Variants in SYNE3 observed in about 807,000 individuals in gnomAD.
SYNE3 encodes nesprin-3.
In SYNE3, 100 loss-of-function variants were observed where a neutral mutation model predicts 111.2. The observed-to-expected ratio is 0.90, with a 90% CI of 0.77 to 1.06. The LOEUF (loss-of-function observed/expected upper bound fraction) is 1.06, where lower values mean the gene tolerates loss of function less well. SYNE3 is among the 50% of genes least tolerant of loss of function. SYNE3 has a pLI of 0.00. For missense variants in SYNE3, 1,160 were observed against 1,240.3 expected (o/e 0.94, Z 0.97); for synonymous variants, 547 against 533.9 (o/e 1.02, Z -0.34).
In SYNE3 at chr14:95,439,136, C is replaced by T; in HGVS notation, c.2273G>A (p.Arg758Lys). ...TTTCTTCCCCGAATCCACTTCCATC[C>T]TCTGCAGATGCCAGTTTCTGATGAG... Reference protein sequence around the residue: ...LSLIRNWHLQRMEVDSGKKMV... With the variant: ...LSLIRNWHLQKMEVDSGKKMV... Residue 758 changes from arginine to lysine, a missense_variant, in exon 14 of 18, where the codon AGG becomes AAG. Transcript: ENST00000682763. 6.2e-7 allele frequency: 1 copy of T among 1,614,276 alleles called. No homozygotes were observed. Among genetic ancestry groups the T allele is most frequent in the Non-Finnish European group, 8.5e-7 (1 of 1,180,050 alleles).
At position 95,414,988 on chromosome 14, in the gene SYNE3, T is replaced by TA. The variant is rs1163513070; in HGVS notation, c.*2837dup. ...ACTTGATGGCATCATTATCAAAATTTAAAAAATATAGGTAGATATTCCCAC... is the reference window on the plus strand; with the variant it reads ...ACTTGATGGCATCATTATCAAAATTTAAAAAAATATAGGTAGATATTCCCAC... On this transcript the variant is annotated 3_prime_UTR_variant, in exon 18 of 18. Transcript: ENST00000682763. 6.6e-6 allele frequency: 1 copy of TA among 152,166 alleles called. No homozygotes were observed. Among genetic ancestry groups the TA allele is most frequent in the Admixed American group, 6.5e-5 (1 of 15,284 alleles). 9.4% of individuals were successfully genotyped at this position (152,166 alleles called of 1,614,324 possible).
chr14:95,507,707 A>T (rs745843625), intron 1 of SYNE3, among the ~76,000 whole-genome samples: 6 of 152,244 alleles, frequency 3.9e-5, no homozygotes, highest in Non-Finnish European at 7.3e-5. Flanking sequence ...CACAGAAGCC[A>T]GGCCTGCTCG....
At position 95,417,372 on chromosome 14, in the gene SYNE3, G is replaced by A. The variant is rs1631191; in HGVS notation, c.*454C>T. The stretch of plus-strand genomic sequence containing the variant: ...TGGCGCTCTTCCACGTTGCAGCTCA[G>A]AGGCCTTTCATTACATCTGAATTCT... On this transcript the variant is annotated 3_prime_UTR_variant, in exon 18 of 18. Transcript: ENST00000682763. 47,246 of 221,118 alleles carry A rather than the reference G, an allele frequency of 0.21. 6,054 individuals carry two copies. Among genetic ancestry groups the A allele is most frequent in the Non-Finnish European group, 0.27 (29,536 of 108,172 alleles). The allele number at this position is 221,118 out of a possible 1,614,324, so 13.7% of individuals were successfully genotyped here. A position where few individuals can be genotyped will look rare whatever the true frequency, so the allele number is the denominator to read the frequency against.
intron 1 of SYNE3, among the ~76,000 whole-genome samples, chr14:95,503,166 T>C (rs763997990): frequency 2.0e-5 from 3 of 152,262 alleles, no homozygotes; most frequent in Non-Finnish European, 2.9e-5. Flanking sequence ...GGCTGGGTTT[T>C]GCAGCTCACA....
At position 95,444,485 on chromosome 14, in the gene SYNE3, C is replaced by A; in HGVS notation, c.1776G>T (p.Gln592His). ...PGKQAQLSRLQGLQEEGLDLG... is the reference protein window; with the variant it reads ...PGKQAQLSRLHGLQEEGLDLG... The stretch of plus-strand genomic sequence containing the variant: ...GATTCAGGCCTCACAGACCCCTCAC[C>A]TGCAACCTTGAGAGCTGGGCCTGTT... Residue 592 changes from glutamine (Q) to histidine (H), a missense_variant and splice_region_variant, in exon 10 of 18, where the codon CAG becomes CAT. Transcript: ENST00000682763. The A allele has an allele frequency of 4.4e-6, 7 of 1,608,664 alleles. No homozygotes were observed. Among genetic ancestry groups the A allele is most frequent in the Non-Finnish European group, 5.1e-6 (6 of 1,176,990 alleles).
chr14:95,474,838 C>T (rs1274327658), intron 2 of SYNE3, among the ~76,000 whole-genome samples: 6 of 152,152 alleles, frequency 3.9e-5, no homozygotes, highest in African/African-American at 7.2e-5. Context: ...TGGTTTGCTG[C>T]GGGAGAAGGC....
At chr14:95,515,524 G>C (rs1170421031) in intron 1 of SYNE3, among the ~76,000 whole-genome samples, 1 of 152,212 alleles carries the variant, frequency 6.6e-6, no homozygotes, top group Non-Finnish European at 1.5e-5. Flanking sequence ...GTGGATGAAG[G>C]ACGCTGTCCT....
In SYNE3 at chr14:95,411,989, CAGCCTT is replaced by C; in HGVS notation, c.*5831_*5836del. 6.6e-6 allele frequency: 1 copy of C among 152,350 alleles called. No individual in the cohort carries two copies. The highest frequency in any genetic ancestry group is 1.9e-4 in the East Asian group (1 of 5,194). 9.4% of individuals were successfully genotyped at this position (152,350 alleles called of 1,614,324 possible). A position where few individuals can be genotyped will look rare whatever the true frequency, so the allele number is the denominator to read the frequency against. ...TAATGGACACGACAATCAACATCCA[CAGCCTT>C]AGCCTTAAGCCTCCCCTTGAAGCCT... On this transcript the variant is annotated 3_prime_UTR_variant, in exon 18 of 18. Transcript: ENST00000682763.
At position 95,436,953 on chromosome 14, in the gene SYNE3, C is replaced by A; in HGVS notation, c.2405G>T (p.Ser802Ile). The change falls in exon 15 of 18, where the codon AGC becomes ATC. Residue 802 changes from serine to isoleucine, a missense_variant. Physicochemically the swap from Ser to Ile is moderately radical, Grantham distance 142. Transcript: ENST00000682763. Reference sequence around the variant, plus strand: ...CAGGAGCTGGGAGAAATCTTCATGGCTCCCTTCTTCTTCCTGTAGAAGATT... The same window carrying A: ...CAGGAGCTGGGAGAAATCTTCATGGATCCCTTCTTCTTCCTGTAGAAGATT... ...RANLLQEEEGSHEDFSQLLRN... is the reference protein window; with the variant it reads ...RANLLQEEEGIHEDFSQLLRN... 2 of 1,611,910 alleles carry A rather than the reference C, an allele frequency of 1.2e-6. No individual in the cohort carries two copies. Among genetic ancestry groups the A allele is most frequent in the Non-Finnish European group, 1.7e-6 (2 of 1,179,256 alleles).
intron 1 of SYNE3, among the ~76,000 whole-genome samples, chr14:95,478,029 T>G (rs1463703048): frequency 2.0e-5 from 3 of 152,172 alleles, no homozygotes; most frequent in Non-Finnish European, 4.4e-5. Context: ...GCACCCCTTC[T>G]TGTTGGCAAT....
chr14:95,466,307 G>T (rs1888173417), intron 3 of SYNE3, 67 bp from the exon 4 acceptor site: 9 of 1,498,260 alleles, frequency 6.0e-6, no homozygotes, highest in Non-Finnish European at 8.0e-6. Context: ...GGGGGTCTGT[G>T]CTGTCACCCC....
intron 2 of SYNE3, 77 bp from the exon 3 acceptor site, chr14:95,468,044 G>C: frequency 6.7e-7 from 1 of 1,492,296 alleles, no homozygotes; most frequent in Non-Finnish European, 9.0e-7. Flanking sequence ...TAGTGGCATG[G>C]TGCAAAGAGC....
chr14:95,475,091 C>T (rs973098844), intron 2 of SYNE3, among the ~76,000 whole-genome samples: 9 of 152,230 alleles, frequency 5.9e-5, no homozygotes, highest in East Asian at 3.9e-4. Flanking sequence ...CCCCAGGCCA[C>T]GGGCGACCCA....
intron 17 of SYNE3, among the ~76,000 whole-genome samples, chr14:95,426,629 G>A (rs1223259914): frequency 4.6e-5 from 7 of 152,048 alleles, no homozygotes; most frequent in South Asian, 2.1e-4. Flanking sequence ...CCCAGGTGCC[G>A]AGGAAAGAGA....
rs1410742296 is a variant in SYNE3 at position 95,455,569 on chromosome 14, G to A, written c.945C>T (p.Leu315=). 6.2e-7 allele frequency: 1 copy of A among 1,614,120 alleles called. No homozygotes were observed. The highest frequency in any genetic ancestry group is 1.3e-5 in the African/African-American group (1 of 75,054). Residue 315 remains leucine (L), a synonymous_variant, in exon 6 of 18, where the codon CTC becomes CTT. Coordinates refer to ENST00000682763, the MANE Select transcript of SYNE3 (RefSeq NM_152592.6). The stretch of plus-strand genomic sequence containing the variant: ...GCAGCCGCTCCTCCTCCTCCTCCCA[G>A]AGGGCGCGCAGCTTCTCCAGAACTT... The part of the protein sequence containing the change: ...MRKVLEKLRA[L]WEEEEERLRG...
intron 1 of SYNE3, among the ~76,000 whole-genome samples, chr14:95,509,067 C>T (rs1162807026): frequency 6.6e-6 from 1 of 152,232 alleles, no homozygotes; most frequent in African/African-American, 2.4e-5. Flanking sequence ...ATCCTGTCTC[C>T]AGCCCTCAAG....
chr14:95,443,149 C>G lies in SYNE3; in HGVS notation c.1911+6G>C, dbSNP rs753005737. ...CAAAGCACAGGCCCTTCTGCCAGCCCCTTACCTCCAGAGACCTCTGCAGGG... is the reference window on the plus strand; with the variant it reads ...CAAAGCACAGGCCCTTCTGCCAGCCGCTTACCTCCAGAGACCTCTGCAGGG... On this transcript the variant is annotated splice_donor_region_variant and intron_variant, in intron 11 of 17. Coordinates refer to ENST00000682763, the MANE Select transcript of SYNE3 (RefSeq NM_152592.6). 6.2e-7 allele frequency: 1 copy of G among 1,613,734 alleles called. No individual in the cohort carries two copies. The highest frequency in any genetic ancestry group is 8.5e-7 in the Non-Finnish European group (1 of 1,179,824).
At chr14:95,489,823 A>G (rs375103030) in intron 1 of SYNE3, among the ~76,000 whole-genome samples, 12 of 152,244 alleles carry the variant, frequency 7.9e-5, no homozygotes, top group Admixed American at 1.3e-4. Flanking sequence ...TTGATTTCAC[A>G]TGCTGCTGGC....
chr14:95,447,468 G>A (rs1429281149), intron 8 of SYNE3, among the ~76,000 whole-genome samples: 1 of 152,208 alleles, frequency 6.6e-6, no homozygotes, highest in Non-Finnish European at 1.5e-5. Flanking sequence ...CAAAGCTGGA[G>A]CTAGTGCCGT....
Sources: gnomAD v4.1 joint callset for allele counts (sites outside exome capture counted in the v4.1 genomes callset) on GRCh38, gnomAD v4.1.1 for gene constraint, MANE v1.5 for transcripts, NCBI Gene and HGNC (gene_info 2026-07-23, HGNC 2026-07-21) for gene names.